The following EFCAB5 variants were observed in gnomAD, a reference collection of about 807,000 sequenced individuals.
EFCAB5 encodes the protein EF-hand calcium-binding domain-containing protein 5.
EFCAB5 carries 131 observed loss-of-function variants against 167.9 expected under a neutral mutation model. The observed-to-expected ratio is 0.78, with a 90% CI of 0.68 to 0.90. The LOEUF (loss-of-function observed/expected upper bound fraction) is 0.90, where lower values mean the gene tolerates loss of function less well. Ranked by LOEUF, EFCAB5 falls within the 40% of genes least tolerant of loss-of-function variation. The probability of loss-of-function intolerance (pLI) is 0.00; values close to 1 mark genes in which losing one functional copy is unlikely to be tolerated. For missense variants in EFCAB5, 1,663 were observed against 1,745.2 expected (o/e 0.95, Z 0.84); for synonymous variants, 574 against 602.8 (o/e 0.95, Z 0.70).
intron 7 of EFCAB5, among the ~76,000 whole-genome samples, chr17:30,020,099 GACA>G (rs1329081089): frequency 1.3e-5 from 2 of 152,050 alleles, no homozygotes; most frequent in African/African-American, 4.8e-5. Flanking sequence ...TGTCACAAAT[GACA>G]ACATTTCCTT....
intron 14 of EFCAB5, among the ~76,000 whole-genome samples, chr17:30,064,513 C>T (rs2070509217): frequency 6.6e-6 from 1 of 152,002 alleles, no homozygotes; most frequent in Non-Finnish European, 1.5e-5. Flanking sequence ...TGAAGAAAGC[C>T]TACAATTATC....
At chr17:29,930,156 C>T in intron 1 of EFCAB5, 2 of 657,712 alleles carry the variant, frequency 3.0e-6, no homozygotes, top group Non-Finnish European at 5.0e-6. Context: ...ACTCCGCACC[C>T]ACCACCAGAC....
chr17:30,073,268 G>T, intron 14 of EFCAB5: 1 of 598,574 alleles, frequency 1.7e-6, no homozygotes, highest in South Asian at 2.0e-5. Flanking sequence ...TGTTGCCCAT[G>T]CTGGTCACAA....
intron 9 of EFCAB5, among the ~76,000 whole-genome samples, 190 bp downstream of exon 9, chr17:30,051,407 A>G (rs568479696): frequency 1.3e-5 from 2 of 152,272 alleles, no homozygotes; most frequent in South Asian, 4.1e-4. Context: ...ACTCTTCATC[A>G]CAACTAGATG....
intron 14 of EFCAB5, among the ~76,000 whole-genome samples, chr17:30,066,423 A>T (rs1009267754): frequency 6.6e-6 from 1 of 151,958 alleles, no homozygotes; most frequent in Non-Finnish European, 1.5e-5. Context: ...TATTTTTTAA[A>T]TTTTCTTCTA....
At chr17:30,039,237 G>A (rs1398000820) in intron 8 of EFCAB5, among the ~76,000 whole-genome samples, 1 of 152,158 alleles carries the variant, frequency 6.6e-6, no homozygotes, top group Non-Finnish European at 1.5e-5. Flanking sequence ...ACCAAGTACG[G>A]TGGAAAGGGG....
At chr17:30,000,504 A>G (rs1444698611) in intron 7 of EFCAB5, among the ~76,000 whole-genome samples, 6 of 152,206 alleles carry the variant, frequency 3.9e-5, no homozygotes, top group Non-Finnish European at 7.3e-5. Context: ...ATTGTAATGG[A>G]ATAAGTGAAA....
At chr17:29,941,887 C>T (rs2067303097) in intron 1 of EFCAB5, 49 bp downstream of exon 1, 4 of 1,538,534 alleles carry the variant, frequency 2.6e-6, no homozygotes, top group East Asian at 2.3e-5. Context: ...ATTTGAGATT[C>T]AACATTCTTG....
At chr17:29,989,697 A>G (rs1031169434) in intron 4 of EFCAB5, among the ~76,000 whole-genome samples, 13 of 152,182 alleles carry the variant, frequency 8.5e-5, no homozygotes, top group Non-Finnish European at 1.8e-4. Context: ...AAAACTGGAG[A>G]ATTCCAAGGG....
intron 22 of EFCAB5, among the ~76,000 whole-genome samples, chr17:30,104,719 A>C (rs532947499): frequency 6.6e-6 from 1 of 152,266 alleles, no homozygotes; most frequent in East Asian, 1.9e-4. Context: ...AACCCAGCAG[A>C]GCGCTGGAGG....
chr17:30,104,586 G>A (rs1157754331), intron 22 of EFCAB5, among the ~76,000 whole-genome samples: 1 of 150,486 alleles, frequency 6.6e-6, no homozygotes, highest in African/African-American at 2.4e-5. Flanking sequence ...GGTTATAAAA[G>A]AAGCGTTTAT....
Position 30,091,947 on chromosome 17 carries a change from C to T in EFCAB5, c.4014C>T (p.Ser1338=), listed in dbSNP as rs1402661444. ...FRIMLLELQE[S]IQLLNSMEFV... ...TCATGCTGCTCGAGCTACAGGAAAG[C>T]ATCCAACTACTCAATTCCATGGAAT... Residue 1338 remains serine (S), a synonymous_variant, in exon 21 of 23, where the codon AGC becomes AGT. Transcript: ENST00000394835. 6.2e-7 allele frequency: 1 copy of T among 1,613,906 alleles called. No homozygotes were observed. Among genetic ancestry groups the T allele is most frequent in the African/African-American group, 1.3e-5 (1 of 74,926 alleles).
At chr17:29,980,235 A>G (rs1235973680) in intron 4 of EFCAB5, among the ~76,000 whole-genome samples, 4 of 152,216 alleles carry the variant, frequency 2.6e-5, no homozygotes, top group East Asian at 1.9e-4. Flanking sequence ...TATTTATTGC[A>G]TAACTACTGA....
At chr17:29,989,858 A>G (rs1366286943) in intron 4 of EFCAB5, among the ~76,000 whole-genome samples, 12 of 152,122 alleles carry the variant, frequency 7.9e-5, no homozygotes, top group Non-Finnish European at 1.6e-4. Flanking sequence ...AGGCTTAACA[A>G]TGGCTGCCAT....
intron 19 of EFCAB5, among the ~76,000 whole-genome samples, chr17:30,089,308 C>T (rs1369057123): frequency 6.6e-6 from 1 of 152,032 alleles, no homozygotes; most frequent in African/African-American, 2.4e-5. Flanking sequence ...TGGCACTCAT[C>T]GAGACACAAC....
chr17:29,996,276 A>G (rs781751001), intron 5 of EFCAB5, 36 bp from the exon 6 acceptor site: 1 of 1,512,002 alleles, frequency 6.6e-7, no homozygotes, highest in South Asian at 1.2e-5. Flanking sequence ...GGAGTGGCAT[A>G]TGGTTTCTTT....
intron 22 of EFCAB5, among the ~76,000 whole-genome samples, chr17:30,105,203 A>C (rs961054227): frequency 8.5e-5 from 13 of 152,068 alleles, no homozygotes; most frequent in African/African-American, 2.7e-4. Flanking sequence ...TAACAGAAAG[A>C]GAGATGAATT....
At chr17:30,000,079 C>A in intron 7 of EFCAB5, 103 bp downstream of exon 7, 1 of 770,650 alleles carries the variant, frequency 1.3e-6, no homozygotes, top group East Asian at 2.8e-5. Flanking sequence ...AATGAAAGCA[C>A]AAAACTTATT....
At chr17:30,065,492 CTCTA>C (rs2070540826) in intron 14 of EFCAB5, 1 of 152,126 alleles carries the variant, frequency 6.6e-6, no homozygotes, top group Non-Finnish European at 1.5e-5. Context: ...GAAACCCCAT[CTCTA>C]CTAAAAATAC....
Sources: gnomAD v4.1 joint callset for allele counts (sites outside exome capture counted in the v4.1 genomes callset) on GRCh38, gnomAD v4.1.1 for gene constraint, MANE v1.5 for transcripts, NCBI Gene and HGNC (gene_info 2026-07-23, HGNC 2026-07-21) for gene names.